The following PTPRN2 variants were observed in gnomAD, a reference collection of about 807,000 sequenced individuals.
The protein encoded by PTPRN2 is protein tyrosine phosphatase receptor type N2.
PTPRN2 carries 74 observed loss-of-function variants against 118.8 expected under a neutral mutation model. That is an observed-to-expected ratio of 0.62 (90% CI 0.52 to 0.76). PTPRN2 has a LOEUF of 0.76. Ranked by LOEUF, PTPRN2 falls within the 30% of genes least tolerant of loss-of-function variation. The probability of loss-of-function intolerance (pLI) is 0.00; values close to 1 mark genes in which losing one functional copy is unlikely to be tolerated. For missense variants in PTPRN2, 1,481 were observed against 1,394.4 expected (o/e 1.06, Z -0.99); for synonymous variants, 641 against 608.0 (o/e 1.05, Z -0.80).
chr7:157,807,525 C>T (rs917453135), intron 12 of PTPRN2, among the ~76,000 whole-genome samples: 2 of 152,196 alleles, frequency 1.3e-5, no homozygotes, highest in Non-Finnish European at 2.9e-5. Context: ...AAGAGGTGTT[C>T]CTTGGGACAA....
intron 1 of PTPRN2, among the ~76,000 whole-genome samples, chr7:158,506,634 C>T (rs1007437449): frequency 6.6e-6 from 1 of 151,862 alleles, no homozygotes; most frequent in African/African-American, 2.4e-5. Context: ...CTTTTGGCCA[C>T]CAAGGCAGTG....
rs536011386 is a variant in PTPRN2 at position 157,548,438 on chromosome 7, T to C, written c.2976+508A>G. Among the ~76,000 whole-genome samples the C allele has an allele frequency of 2.5e-4, 38 of 152,314 alleles. No homozygotes were observed. The East Asian group carries it at 4.1e-3, about 16-fold the overall frequency. On this transcript the variant is annotated intron_variant, in intron 22 of 22. Coordinates refer to ENST00000389418, the MANE Select transcript of PTPRN2 (RefSeq NM_002847.5). Reference sequence around the variant, plus strand: ...ACGTCAACCTCACGTCCAGTTCTTGTTGAGCCAAAGCTCACCAGAATTTTT... The same window carrying C: ...ACGTCAACCTCACGTCCAGTTCTTGCTGAGCCAAAGCTCACCAGAATTTTT...
chr7:158,379,884 A>G (rs959571715), intron 2 of PTPRN2, among the ~76,000 whole-genome samples: 1 of 152,178 alleles, frequency 6.6e-6, no homozygotes, highest in Non-Finnish European at 1.5e-5. Context: ...TCATGGTGGA[A>G]GGCAAAGAGG....
intron 2 of PTPRN2, among the ~76,000 whole-genome samples, chr7:158,376,972 A>G (rs1213210535): frequency 1.8e-5 from 1 of 56,364 alleles, no homozygotes; most frequent in African/African-American, 6.4e-5. Flanking sequence ...CACGTCCTGC[A>G]CGCGGGGTCA....
chr7:158,347,047 T>C (rs1405077354), intron 2 of PTPRN2, among the ~76,000 whole-genome samples: 1 of 152,214 alleles, frequency 6.6e-6, no homozygotes, highest in East Asian at 1.9e-4. Flanking sequence ...TCCCCATCCT[T>C]AGGTTGTCTG....
intron 13 of PTPRN2, among the ~76,000 whole-genome samples, chr7:157,680,595 C>T (rs1249936867): frequency 6.6e-6 from 1 of 152,230 alleles, no homozygotes; most frequent in Non-Finnish European, 1.5e-5. Context: ...GCGTCCTGCT[C>T]CGCCAAAACA....
chr7:158,051,209 G>A (rs73171541), intron 11 of PTPRN2, among the ~76,000 whole-genome samples: 3 of 152,350 alleles, frequency 2.0e-5, no homozygotes, highest in Non-Finnish European at 2.9e-5. Flanking sequence ...TCTCAGCAGT[G>A]TCACTTTGTG....
intron 1 of PTPRN2, among the ~76,000 whole-genome samples, chr7:158,534,313 C>T (rs539401280): frequency 6.6e-6 from 1 of 151,030 alleles, no homozygotes; most frequent in African/African-American, 2.4e-5. Flanking sequence ...ACCACCCACG[C>T]CCCGGGCTCC....
intron 2 of PTPRN2, among the ~76,000 whole-genome samples, chr7:158,424,985 GA>G (rs1279809150): frequency 2.0e-5 from 3 of 152,218 alleles, no homozygotes; most frequent in Non-Finnish European, 4.4e-5. Context: ...GTGTTTCGGA[GA>G]AGGCATTCTG....
At chr7:158,416,439 C>G (rs1316418637) in intron 2 of PTPRN2, among the ~76,000 whole-genome samples, 1 of 152,174 alleles carries the variant, frequency 6.6e-6, no homozygotes. Flanking sequence ...GGCAACAAAC[C>G]ACCACATGTT....
At chr7:157,838,175 CCT>C (rs1355165409) in intron 12 of PTPRN2, among the ~76,000 whole-genome samples, 1 of 149,004 alleles carries the variant, frequency 6.7e-6, no homozygotes, top group Non-Finnish European at 1.5e-5. Flanking sequence ...TACTCCAGTT[CCT>C]CTCATAGTGG....
intron 11 of PTPRN2, among the ~76,000 whole-genome samples, chr7:157,963,487 A>G (rs778910211): frequency 6.6e-6 from 1 of 152,286 alleles, no homozygotes; most frequent in South Asian, 2.1e-4. Flanking sequence ...TCTTAAAAGT[A>G]ATCACATAGA....
intron 12 of PTPRN2, among the ~76,000 whole-genome samples, chr7:157,821,252 C>T (rs1185686852): frequency 6.6e-6 from 1 of 152,226 alleles, no homozygotes; most frequent in Non-Finnish European, 1.5e-5. Context: ...GAGACAACAA[C>T]AAGAATTCAG....
intron 12 of PTPRN2, among the ~76,000 whole-genome samples, chr7:157,822,495 C>T (rs1182503734): frequency 6.6e-6 from 1 of 152,126 alleles, no homozygotes; most frequent in Non-Finnish European, 1.5e-5. Flanking sequence ...ATCCATCATC[C>T]ATCCACCTAT....
At chr7:158,144,688 C>T (rs1488025092) in intron 6 of PTPRN2, among the ~76,000 whole-genome samples, 2 of 152,172 alleles carry the variant, frequency 1.3e-5, no homozygotes, top group African/African-American at 4.8e-5. Flanking sequence ...CGGGGTGGAG[C>T]GCTCACCCTC....
chr7:157,614,152 AG>A (rs1802600620), intron 15 of PTPRN2: 1 of 378,784 alleles, frequency 2.6e-6, no homozygotes, highest in Non-Finnish European at 5.4e-6. Flanking sequence ...CAGGGGAGGA[AG>A]GGGGAGGACA....
intron 10 of PTPRN2, among the ~76,000 whole-genome samples, chr7:158,107,029 A>G (rs1815743660): frequency 6.6e-6 from 1 of 152,124 alleles, no homozygotes; most frequent in Non-Finnish European, 1.5e-5. Flanking sequence ...GGAACCCAAA[A>G]CACTGACTGG....
intron 1 of PTPRN2, among the ~76,000 whole-genome samples, chr7:158,577,190 T>A (rs1473919846): frequency 8.3e-6 from 1 of 121,154 alleles, no homozygotes; most frequent in Non-Finnish European, 1.7e-5. Flanking sequence ...CCCTGCCTGA[T>A]GCCACAGACA....
intron 2 of PTPRN2, among the ~76,000 whole-genome samples, chr7:158,474,096 T>C (rs1210234956): frequency 5.9e-5 from 9 of 152,170 alleles, no homozygotes; most frequent in Non-Finnish European, 1.2e-4. Flanking sequence ...GCCCTGGCGC[T>C]GGGCGGGTGC....
Sources: allele counts gnomAD v4.1 joint callset (sites outside exome capture counted in the v4.1 genomes callset), GRCh38; gene constraint gnomAD v4.1.1; transcripts MANE v1.5; gene names NCBI Gene and HGNC (gene_info 2026-07-23, HGNC 2026-07-21).